TNS3: variants seen among roughly 807,000 people sequenced by gnomAD.
TNS3 encodes the protein tensin 3, also known as tensin-3.
A neutral mutation model predicts 140.9 loss-of-function variants in TNS3; 45 were observed. The observed-to-expected ratio is 0.32, with a 90% CI of 0.25 to 0.41. The LOEUF (loss-of-function observed/expected upper bound fraction) is 0.41. TNS3 is among the 10% of genes least tolerant of loss of function. The pLI, the probability that TNS3 is intolerant of heterozygous loss-of-function variation, is 1.00. For missense variants in TNS3, 1,716 were observed against 1,906.7 expected, an observed-to-expected ratio of 0.90 and a Z score of 1.86; for synonymous variants, 815 against 788.4, an observed-to-expected ratio of 1.03 and a Z score of -0.56.
intron 1 of TNS3, among the ~76,000 whole-genome samples, chr7:47,544,053 C>A (rs925805052): frequency 6.6e-6 from 1 of 152,218 alleles, no homozygotes; most frequent in Non-Finnish European, 1.5e-5. Flanking sequence ...CTTCCCTCTT[C>A]TCTGCTCAAA....
intron 4 of TNS3, among the ~76,000 whole-genome samples, chr7:47,469,309 G>C (rs1796848175): frequency 6.6e-6 from 1 of 152,210 alleles, no homozygotes; most frequent in African/African-American, 2.4e-5. Flanking sequence ...ACATCCTACA[G>C]AATGGGAGAA....
Position 47,475,522 on chromosome 7 carries a change from C to T in TNS3, c.-76+5581G>A, listed in dbSNP as rs181822323. Among the ~76,000 whole-genome samples, 314 of 76,746 alleles carry T rather than the reference C, an allele frequency of 4.1e-3. 4 individuals carry two copies. The highest frequency in any genetic ancestry group is 0.012 in the African/African-American group (301 of 25,368). The allele number at this position is 76,746 out of a possible 152,430, so 50.3% of individuals were successfully genotyped here. Reference sequence around the variant, plus strand: ...GGACAGTGGCCCCTCTGTAAACAGGCGGCACTTCCCCGGGGGGGGGGCCAG... The same window carrying T: ...GGACAGTGGCCCCTCTGTAAACAGGTGGCACTTCCCCGGGGGGGGGGCCAG... On this transcript the variant is annotated intron_variant, in intron 4 of 30. Transcript: ENST00000311160.
At chr7:47,287,667 C>T (rs950583813) in intron 27 of TNS3, among the ~76,000 whole-genome samples, 2 of 152,242 alleles carry the variant, frequency 1.3e-5, no homozygotes, top group African/African-American at 2.4e-5. Flanking sequence ...GACAGCCTCA[C>T]TCCTCTGGTG....
At chr7:47,543,071 A>G (rs1799833201) in intron 1 of TNS3, among the ~76,000 whole-genome samples, 1 of 152,206 alleles carries the variant, frequency 6.6e-6, no homozygotes. Context: ...AGGTGGGAAC[A>G]CTGGTCACTG....
At chr7:47,412,615 A>C (rs914195489) in intron 12 of TNS3, among the ~76,000 whole-genome samples, 1 of 152,218 alleles carries the variant, frequency 6.6e-6, no homozygotes, top group Admixed American at 6.5e-5. Flanking sequence ...AAATAAATAA[A>C]AATGGAAAAC....
chr7:47,304,922 CG>C lies in TNS3; in HGVS notation c.2731del (p.Arg911GlyfsTer94). On this transcript the variant is annotated frameshift_variant, in exon 21 of 31. Coordinates refer to ENST00000311160, the MANE Select transcript of TNS3 (RefSeq NM_022748.12). LOFTEE classifies it high-confidence loss of function. ...SPIGPKSTML[R>X]ADASSTPSFQ... ...GGAGGGCGTCGAGGACGCATCAGCC[CG>C]GAGCATCGTGGATTTGGGTCCGATG... is the stretch of plus-strand genomic sequence containing the variant. The C allele has an allele frequency of 7.0e-7, 1 of 1,437,042 alleles. No individual in the cohort carries two copies. The highest frequency in any genetic ancestry group is 9.2e-7 in the Non-Finnish European group (1 of 1,081,382). The allele number at this position is 1,437,042 out of a possible 1,614,324, so 89.0% of individuals were successfully genotyped here.
At chr7:47,489,320 T>C (rs912503516) in intron 3 of TNS3, among the ~76,000 whole-genome samples, 4 of 152,102 alleles carry the variant, frequency 2.6e-5, no homozygotes, top group African/African-American at 9.7e-5. Flanking sequence ...CACAGTAAAA[T>C]GAAAAAAGAA....
At chr7:47,283,387 C>T (rs940562242) in intron 28 of TNS3, among the ~76,000 whole-genome samples, 1 of 152,220 alleles carries the variant, frequency 6.6e-6, no homozygotes. Context: ...TTTTAAGGAA[C>T]TGAGTTAAAA....
intron 7 of TNS3, among the ~76,000 whole-genome samples, chr7:47,436,817 G>A (rs1795205549): frequency 6.6e-6 from 1 of 152,050 alleles, no homozygotes; most frequent in African/African-American, 2.4e-5. Context: ...TATATATGCA[G>A]TATATATGAA....
At chr7:47,298,018 C>G (rs1786152988) in intron 23 of TNS3, among the ~76,000 whole-genome samples, 2 of 152,062 alleles carry the variant, frequency 1.3e-5, no homozygotes, top group African/African-American at 4.8e-5. Context: ...GATCTCCTGA[C>G]CTTGTGATCC....
At chr7:47,534,510 C>A (rs1434146010) in intron 1 of TNS3, among the ~76,000 whole-genome samples, 1 of 152,128 alleles carries the variant, frequency 6.6e-6, no homozygotes, top group African/African-American at 2.4e-5. Context: ...ACAGCTGACC[C>A]AGGCTCCACC....
chr7:47,544,117 T>A (rs1050538533), intron 1 of TNS3, among the ~76,000 whole-genome samples: 2 of 152,152 alleles, frequency 1.3e-5, no homozygotes, highest in African/African-American at 4.8e-5. Context: ...AAGTGTTAAA[T>A]TAAGGTGGCT....
chr7:47,524,018 C>T lies in TNS3; in HGVS notation c.-153+5018G>A, dbSNP rs114530902. ...CAGGCACCCAGGCTGGAAAGGTGAA[C>T]GCAACTCACCACACCACCCCCAGGA... On this transcript the variant is annotated intron_variant, in intron 2 of 30. Transcript: ENST00000311160. Among the ~76,000 whole-genome samples the T allele has an allele frequency of 3.3e-3, 506 of 152,336 alleles. 1 individual carries two copies. Among genetic ancestry groups the T allele is most frequent in the African/African-American group, 0.011 (476 of 41,572 alleles).
intron 20 of TNS3, among the ~76,000 whole-genome samples, chr7:47,312,954 C>T (rs956315633): frequency 7.2e-5 from 11 of 152,158 alleles, no homozygotes; most frequent in African/African-American, 2.7e-4. Flanking sequence ...ACATGGCCTA[C>T]ACCAGCCGGA....
intron 17 of TNS3, among the ~76,000 whole-genome samples, chr7:47,347,665 A>AGGGAG (rs1170395017): frequency 6.6e-6 from 1 of 151,984 alleles, no homozygotes; most frequent in Non-Finnish European, 1.5e-5. Context: ...CGACCAAGCA[A>AGGGAG]GGGAGATCCA....
chr7:47,484,846 T>C (rs1219587462), intron 3 of TNS3, among the ~76,000 whole-genome samples: 1 of 152,216 alleles, frequency 6.6e-6, no homozygotes, highest in Non-Finnish European at 1.5e-5. Flanking sequence ...CTGTTTTCAC[T>C]GGACAGAGGG....
At chr7:47,533,500 G>C (rs995701261) in intron 1 of TNS3, among the ~76,000 whole-genome samples, 1 of 151,458 alleles carries the variant, frequency 6.6e-6, no homozygotes, top group Non-Finnish European at 1.5e-5. Flanking sequence ...AGGGAAGTTG[G>C]AGTGGCTATA....
At chr7:47,445,112 C>T (rs1037235768) in intron 4 of TNS3, among the ~76,000 whole-genome samples, 2 of 152,112 alleles carry the variant, frequency 1.3e-5, no homozygotes, top group Non-Finnish European at 2.9e-5. Context: ...AAAATCGAGG[C>T]GAGAAACCCA....
intron 1 of TNS3, among the ~76,000 whole-genome samples, chr7:47,568,913 G>A (rs1424249401): frequency 6.6e-6 from 1 of 152,218 alleles, no homozygotes; most frequent in Non-Finnish European, 1.5e-5. Context: ...CTTGTACCGG[G>A]ACACACTATC....
Sources: gnomAD v4.1 joint callset for allele counts (sites outside exome capture counted in the v4.1 genomes callset) on GRCh38, gnomAD v4.1.1 for gene constraint, MANE v1.5 for transcripts, NCBI Gene and HGNC (gene_info 2026-07-23, HGNC 2026-07-21) for gene names.